The following ZNF610 variants were observed in gnomAD, a reference collection of about 807,000 sequenced individuals.
ZNF610 encodes the protein zink finger protein.
In ZNF610, 14 loss-of-function variants were observed where a neutral mutation model predicts 14.1. The observed-to-expected ratio is 0.99, with a 90% CI of 0.65 to 1.55. ZNF610 has a LOEUF of 1.55. Among genes scored for constraint, ZNF610 ranks in the 40% most tolerant of loss-of-function variants. ZNF610 has a pLI of 0.00. For synonymous variants in ZNF610, 185 were observed against 187.6 expected (o/e 0.99, Z 0.11); for missense variants, 530 against 558.0 (o/e 0.95, Z 0.51).
upstream of ZNF610, among the ~76,000 whole-genome samples, chr19:52,334,368 C>G (rs1306452788): frequency 6.6e-6 from 1 of 152,170 alleles, no homozygotes; most frequent in East Asian, 1.9e-4. Flanking sequence ...CAAAACTTAG[C>G]CAGGCATGGT....
chr19:52,354,512 A>C (rs1985428884), intron 5 of ZNF610, 133 bp downstream of exon 5: 1 of 1,017,536 alleles, frequency 9.8e-7, no homozygotes, highest in South Asian at 1.8e-5. Context: ...TCCTGGACTC[A>C]AGCAATCCTC....
rs1986157501 is a variant in ZNF610, at chr19:52,367,318, T to G, written c.*551T>G. 6.6e-6 allele frequency: 1 copy of G among 152,584 alleles called. No homozygotes were observed. The highest frequency in any genetic ancestry group is 2.4e-5 in the African/African-American group (1 of 41,546). The allele number at this position is 152,584 out of a possible 1,614,324, so 9.5% of individuals were successfully genotyped here. A position where few individuals can be genotyped will look rare whatever the true frequency, so the allele number is the denominator to read the frequency against. ...TTTTGTATTTTTAGTCGAGACGGGGTTTCCCTCCGTTGGCCAGGCCGGTTT... is the reference window on the plus strand; with the variant it reads ...TTTTGTATTTTTAGTCGAGACGGGGGTTCCCTCCGTTGGCCAGGCCGGTTT... On this transcript the variant is annotated 3_prime_UTR_variant, in exon 6 of 6. Transcript: ENST00000403906.
intron 1 of ZNF610, among the ~76,000 whole-genome samples, chr19:52,340,999 A>G (rs16983744): frequency 0.079 from 12,095 of 152,168 alleles, 568 homozygotes; most frequent in Middle Eastern, 0.17. Context: ...TATTTTGGTC[A>G]GCATACTGAA....
chr19:52,352,017 A>G (rs1416288805), intron 3 of ZNF610, among the ~76,000 whole-genome samples: 1 of 152,144 alleles, frequency 6.6e-6, no homozygotes, highest in Non-Finnish European at 1.5e-5. Flanking sequence ...TGGTCTGTGT[A>G]CTGTTTAATT....
intron 1 of ZNF610, chr19:52,347,161 A>G (rs1484556170): frequency 6.6e-6 from 1 of 152,194 alleles, no homozygotes; most frequent in Non-Finnish European, 1.5e-5. Context: ...AGCTCCATAC[A>G]TGTTATTGCT....
Position 52,366,211 on chromosome 19 carries a change from A to G in ZNF610, c.833A>G (p.His278Arg), listed in dbSNP as rs528150057. 1 of 1,614,056 alleles carries G rather than the reference A, an allele frequency of 6.2e-7. No individual in the cohort carries two copies. Among genetic ancestry groups the G allele is most frequent in the South Asian group, 1.1e-5 (1 of 91,038 alleles). Residue 278 changes from histidine to arginine, a missense_variant, in exon 6 of 6, where the codon CAT (histidine) becomes CGT (arginine). Coordinates refer to ENST00000403906, the MANE Select transcript of ZNF610 (RefSeq NM_001161425.2). ...VFNRNSNLAR[H>R]QRIHTGEKPH... The stretch of plus-strand genomic sequence containing the variant: ...AATCGCAATTCAAACCTTGCACGAC[A>G]TCAAAGAATTCATACTGGAGAGAAG...
At chr19:52,356,121 A>G (rs1985511761) in intron 5 of ZNF610, among the ~76,000 whole-genome samples, 1 of 152,222 alleles carries the variant, frequency 6.6e-6, no homozygotes, top group Non-Finnish European at 1.5e-5. Context: ...CAAGGTCTTC[A>G]GAGCTCTGTG....
intron 5 of ZNF610, among the ~76,000 whole-genome samples, chr19:52,357,958 TC>T (rs1366487364): frequency 5.9e-5 from 9 of 152,186 alleles, no homozygotes. Context: ...CTGCTCACCT[TC>T]CTGTCAGCCT....
intron 3 of ZNF610, 68 bp downstream of exon 3, chr19:52,349,303 A>G (rs922345543): frequency 6.5e-7 from 1 of 1,533,482 alleles, no homozygotes; most frequent in African/African-American, 1.4e-5. Context: ...ATCCTGCCTG[A>G]CACGTTTGCT....
chr19:52,332,528 C>G (rs1354579347), upstream of ZNF610, among the ~76,000 whole-genome samples: 5 of 152,180 alleles, frequency 3.3e-5, no homozygotes, highest in Non-Finnish European at 5.9e-5. This position sits in a 1 kb window ranked among gnomAD's most constrained non-coding sequence, Gnocchi z 4.1. Context: ...CTACCCACAG[C>G]TCCAACTGAA....
intron 1 of ZNF610, among the ~76,000 whole-genome samples, chr19:52,342,946 G>A (rs996258209): frequency 2.6e-5 from 4 of 151,972 alleles, no homozygotes; most frequent in Admixed American, 2.0e-4. Context: ...CTTTCCTTAT[G>A]ATCTCGTCTT....
At chr19:52,358,702 G>A (rs930618071) in intron 5 of ZNF610, among the ~76,000 whole-genome samples, 1 of 152,122 alleles carries the variant, frequency 6.6e-6, no homozygotes, top group Non-Finnish European at 1.5e-5. Context: ...TGTGTTATCA[G>A]TGTTCTATCC....
chr19:52,348,005 T>C (rs879650511), intron 2 of ZNF610, 61 bp downstream of exon 2: 4 of 152,306 alleles, frequency 2.6e-5, no homozygotes, highest in Admixed American at 2.6e-4. Context: ...TTATTGTACC[T>C]TTTCTATGTC....
chr19:52,365,125 G>A (rs1985956210), intron 5 of ZNF610, among the ~76,000 whole-genome samples: 1 of 151,948 alleles, frequency 6.6e-6, no homozygotes, highest in Non-Finnish European at 1.5e-5. Context: ...GCGTGCGCCT[G>A]TAGTTCCAGC....
chr19:52,350,875 C>G (rs1289553344), intron 3 of ZNF610, among the ~76,000 whole-genome samples: 1 of 151,892 alleles, frequency 6.6e-6, no homozygotes, highest in Non-Finnish European at 1.5e-5. Context: ...TGGCACATGC[C>G]TGTAATCCCA....
upstream of ZNF610, among the ~76,000 whole-genome samples, chr19:52,333,831 T>C (rs1984261347): frequency 6.6e-6 from 1 of 152,250 alleles, no homozygotes. Context: ...GAAAAACTTA[T>C]GCATGAATGA....
chr19:52,331,317 G>T (rs148746750), upstream of ZNF610, among the ~76,000 whole-genome samples: 2 of 152,132 alleles, frequency 1.3e-5, no homozygotes, highest in African/African-American at 4.8e-5. Context: ...CCAATAGAGT[G>T]GCAGTCCCCA....
At chr19:52,349,622 G>A (rs1217057252) in intron 3 of ZNF610, among the ~76,000 whole-genome samples, 2 of 151,428 alleles carry the variant, frequency 1.3e-5, no homozygotes, top group African/African-American at 4.9e-5. Flanking sequence ...ACCCAGGCTG[G>A]AGTGCAGTGG....
chr19:52,348,403 C>G (rs116023391), intron 2 of ZNF610, among the ~76,000 whole-genome samples: 2,447 of 152,072 alleles, frequency 0.016, 72 homozygotes, highest in African/African-American at 0.055. Flanking sequence ...TGGTTTCTTT[C>G]CTTTTTTTTG....
Sources: allele counts gnomAD v4.1 joint callset (sites outside exome capture counted in the v4.1 genomes callset), GRCh38; gene constraint gnomAD v4.1.1; non-coding constraint Gnocchi (gnomAD v3.1); transcripts MANE v1.5; gene names NCBI Gene and HGNC (gene_info 2026-07-23, HGNC 2026-07-21).